ZNRF2: variants seen among roughly 807,000 people sequenced by gnomAD.
ZNRF2 encodes the protein E3 ubiquitin-protein ligase ZNRF2.
In ZNRF2, 16 loss-of-function variants were observed where a neutral mutation model predicts 20.4. The ratio of observed to expected loss-of-function variants is 0.79; its 90% CI spans 0.53 to 1.19. The LOEUF is 1.19. ZNRF2 is among the 50% of genes most tolerant of loss of function. The probability of loss-of-function intolerance (pLI) is 0.00; values close to 1 mark genes in which losing one functional copy is unlikely to be tolerated. For missense variants in ZNRF2, 363 were observed against 332.4 expected (o/e 1.09, Z -0.72); for synonymous variants, 178 against 144.9 (o/e 1.23, Z -1.64).
intron 1 of ZNRF2, among the ~76,000 whole-genome samples, chr7:30,293,845 G>A (rs1317932942): frequency 6.6e-6 from 1 of 152,090 alleles, no homozygotes; most frequent in Non-Finnish European, 1.5e-5. Flanking sequence ...GATGTATTCA[G>A]TCATTTGAAT....
At chr7:30,316,739 C>A (rs1331006834) in intron 1 of ZNRF2, among the ~76,000 whole-genome samples, 1 of 152,076 alleles carries the variant, frequency 6.6e-6, no homozygotes, top group Non-Finnish European at 1.5e-5. Flanking sequence ...AGAAAGTTTA[C>A]CTATTAGAAA....
intron 2 of ZNRF2, among the ~76,000 whole-genome samples, chr7:30,350,046 T>A (rs908368225): frequency 6.6e-6 from 1 of 152,094 alleles, no homozygotes; most frequent in Non-Finnish European, 1.5e-5. Flanking sequence ...TGACTACTTG[T>A]GGCTTGTTAG....
At chr7:30,325,588 ATTAC>A (rs1173899998) in intron 2 of ZNRF2, among the ~76,000 whole-genome samples, 3 of 152,180 alleles carry the variant, frequency 2.0e-5, no homozygotes, top group Non-Finnish European at 2.9e-5. Flanking sequence ...AAATGAGCAT[ATTAC>A]TTTTGGTAGT....
chr7:30,296,543 T>C (rs1284598442), intron 1 of ZNRF2, among the ~76,000 whole-genome samples: 1 of 152,220 alleles, frequency 6.6e-6, no homozygotes, highest in African/African-American at 2.4e-5. Context: ...TTCACTGCTT[T>C]GCTGGTGCTT....
intron 2 of ZNRF2, among the ~76,000 whole-genome samples, chr7:30,338,561 T>A (rs1435482157): frequency 6.6e-6 from 1 of 151,986 alleles, no homozygotes; most frequent in Non-Finnish European, 1.5e-5. Context: ...TTGCTGAGAA[T>A]GATGGTTTCC....
intron 2 of ZNRF2, among the ~76,000 whole-genome samples, chr7:30,331,789 G>A (rs2127949291): frequency 6.6e-6 from 1 of 152,186 alleles, no homozygotes; most frequent in Middle Eastern, 3.4e-3. Flanking sequence ...AGAGAAAAAT[G>A]TTATTGTAAC....
At chr7:30,290,782 C>T (rs1411263832) in intron 1 of ZNRF2, among the ~76,000 whole-genome samples, 6 of 152,182 alleles carry the variant, frequency 3.9e-5, no homozygotes, top group African/African-American at 1.2e-4. Context: ...CATGTAACTT[C>T]TTTTTTAAAC....
intron 1 of ZNRF2, among the ~76,000 whole-genome samples, chr7:30,304,833 G>A (rs75546751): frequency 0.071 from 10,787 of 152,118 alleles, 509 homozygotes; most frequent in African/African-American, 0.13. Flanking sequence ...AAAGGACTAG[G>A]GTGAGTTAAA....
intron 1 of ZNRF2, among the ~76,000 whole-genome samples, chr7:30,305,447 T>C (rs1341300164): frequency 6.6e-6 from 1 of 152,204 alleles, no homozygotes; most frequent in Non-Finnish European, 1.5e-5. Context: ...TATTTAGCTT[T>C]TATTTTCATG....
intron 2 of ZNRF2, among the ~76,000 whole-genome samples, chr7:30,348,986 G>C (rs774594932): frequency 6.6e-6 from 1 of 152,068 alleles, no homozygotes; most frequent in Non-Finnish European, 1.5e-5. Flanking sequence ...AAATGATATC[G>C]AATCCAGATT....
chr7:30,323,536 A>G (rs1289310864), intron 1 of ZNRF2, 106 bp from the exon 2 acceptor site: 3 of 661,700 alleles, frequency 4.5e-6, no homozygotes, highest in Non-Finnish European at 7.5e-6. Context: ...TAATGCAGTA[A>G]GTGTAATATT....
intron 1 of ZNRF2, among the ~76,000 whole-genome samples, chr7:30,295,188 G>A (rs1184837160): frequency 6.6e-6 from 1 of 150,648 alleles, no homozygotes; most frequent in African/African-American, 2.4e-5. Flanking sequence ...AACTACATGC[G>A]ATCTTTCAGG....
intron 1 of ZNRF2, 71 bp from the exon 2 acceptor site, chr7:30,323,571 T>C (rs367930863): frequency 1.9e-6 from 2 of 1,045,868 alleles, no homozygotes; most frequent in Non-Finnish European, 1.4e-6. Flanking sequence ...TTTTTGATTT[T>C]CCATGCTTTT....
At chr7:30,355,371 C>T (rs927808093) in intron 2 of ZNRF2, among the ~76,000 whole-genome samples, 10 of 151,766 alleles carry the variant, frequency 6.6e-5, no homozygotes, top group African/African-American at 2.4e-4. Flanking sequence ...CTGTAAAATT[C>T]TTTGAACTAT....
intron 1 of ZNRF2, among the ~76,000 whole-genome samples, chr7:30,298,551 G>A (rs1486666463): frequency 6.6e-6 from 1 of 152,216 alleles, no homozygotes; most frequent in Non-Finnish European, 1.5e-5. Flanking sequence ...GTTTATGCTA[G>A]TGATCTAGGA....
intron 1 of ZNRF2, among the ~76,000 whole-genome samples, chr7:30,298,683 A>C (rs1359125914): frequency 6.6e-6 from 1 of 152,186 alleles, no homozygotes; most frequent in African/African-American, 2.4e-5. Context: ...AAGTCTAGAA[A>C]CTTTTCCCTT....
chr7:30,343,055 A>C (rs1562618393), intron 2 of ZNRF2, among the ~76,000 whole-genome samples: 1 of 152,158 alleles, frequency 6.6e-6, no homozygotes, highest in African/African-American at 2.4e-5. Flanking sequence ...GTAATTTAAA[A>C]GGTCCTTTGG....
chr7:30,322,461 C>G (rs1170951415), intron 1 of ZNRF2, among the ~76,000 whole-genome samples: 1 of 152,140 alleles, frequency 6.6e-6, no homozygotes, highest in Non-Finnish European at 1.5e-5. Flanking sequence ...AGTTGTCTCT[C>G]ACAGTGCTTC....
At chr7:30,350,392 A>G (rs1263663046) in intron 2 of ZNRF2, among the ~76,000 whole-genome samples, 1 of 152,006 alleles carries the variant, frequency 6.6e-6, no homozygotes, top group Non-Finnish European at 1.5e-5. Flanking sequence ...TACATGTTTA[A>G]CGATCAATTC....
Sources: gnomAD v4.1 joint callset for allele counts (sites outside exome capture counted in the v4.1 genomes callset) on GRCh38, gnomAD v4.1.1 for gene constraint, MANE v1.5 for transcripts, NCBI Gene and HGNC (gene_info 2026-07-23, HGNC 2026-07-21) for gene names.